Variants in STAB2 observed in about 807,000 individuals in gnomAD.
STAB2 encodes the protein stabilin 2.
STAB2 carries 288 observed loss-of-function variants against 338.1 expected under a neutral mutation model. That is an observed-to-expected ratio of 0.85 (90% CI 0.77 to 0.94). The LOEUF (loss-of-function observed/expected upper bound fraction) is 0.94. STAB2 is among the 40% of genes least tolerant of loss of function. STAB2 has a pLI of 0.00. For missense variants in STAB2, 3,141 were observed against 3,210.1 expected, an observed-to-expected ratio of 0.98 and a Z score of 0.52; for synonymous variants, 1,202 against 1,193.3, an observed-to-expected ratio of 1.01 and a Z score of -0.15.
chr12:103,750,817 C>T, intron 60 of STAB2, 97 bp downstream of exon 60: 1 of 1,442,266 alleles, frequency 6.9e-7, no homozygotes, highest in Non-Finnish European at 9.2e-7. Flanking sequence ...CAGGCCAAGC[C>T]TGGTGGCTCA....
intron 43 of STAB2, among the ~76,000 whole-genome samples, chr12:103,716,368 G>A (rs1041259567): frequency 5.9e-5 from 9 of 152,182 alleles, no homozygotes; most frequent in Admixed American, 2.6e-4. Context: ...GAGAGCAACC[G>A]CATCAGAGAA....
intron 46 of STAB2, among the ~76,000 whole-genome samples, chr12:103,726,955 G>GA (rs541047002): frequency 6.3e-4 from 96 of 152,008 alleles, no homozygotes; most frequent in African/African-American, 2.2e-3. Context: ...AGAGACATTG[G>GA]AAAAAAATAC....
intron 3 of STAB2, among the ~76,000 whole-genome samples, chr12:103,605,732 G>A (rs1014524012): frequency 5.9e-5 from 9 of 151,830 alleles, no homozygotes; most frequent in Admixed American, 5.2e-4. Context: ...TTTATACCTG[G>A]TAAAAATATG....
chr12:103,646,432 C>T (rs1374440245), intron 9 of STAB2, among the ~76,000 whole-genome samples: 1 of 152,170 alleles, frequency 6.6e-6, no homozygotes, highest in African/African-American at 2.4e-5. Context: ...CAGCCTTGTC[C>T]TTGTCGTTAT....
Position 103,702,007 on chromosome 12 carries a change from CA to C in STAB2, c.3715-1140del, listed in dbSNP as rs1232352713. 3.0e-3 allele frequency among the ~76,000 whole-genome samples: 437 copies of C among 146,388 alleles called. 2 individuals carry two copies. Among genetic ancestry groups the C allele is most frequent in the African/African-American group, 0.01 (417 of 40,858 alleles). Reference sequence around the variant, plus strand: ...ACACACACACACACACACACACACACACACACACACACACACCCCACCCCAA... The same window carrying C: ...ACACACACACACACACACACACACACCACACACACACACACCCCACCCCAA... On this transcript the variant is annotated intron_variant, in intron 34 of 68. Transcript: ENST00000388887.
At chr12:103,698,370 C>A (rs903385701) in intron 33 of STAB2, among the ~76,000 whole-genome samples, 4 of 151,912 alleles carry the variant, frequency 2.6e-5, no homozygotes, top group African/African-American at 9.7e-5. Flanking sequence ...TTTGAAGTAG[C>A]GGGGTAAGAA....
intron 33 of STAB2, among the ~76,000 whole-genome samples, chr12:103,698,287 TCTC>T (rs1314561800): frequency 1.2e-4 from 18 of 152,074 alleles, no homozygotes; most frequent in Non-Finnish European, 2.5e-4. Flanking sequence ...TTAGGAACCT[TCTC>T]CTCTCCTTCC....
At chr12:103,718,221 C>T (rs140834882) in intron 44 of STAB2, among the ~76,000 whole-genome samples, 5 of 152,250 alleles carry the variant, frequency 3.3e-5, no homozygotes, top group Non-Finnish European at 7.4e-5. Flanking sequence ...TAGACTTACA[C>T]GTAGGAATCC....
At chr12:103,660,786 C>G in intron 17 of STAB2, 23 bp downstream of exon 17, 1 of 1,609,888 alleles carries the variant, frequency 6.2e-7, no homozygotes, top group South Asian at 1.1e-5. Context: ...TCAACCACCA[C>G]CAGCATCACT....
At chr12:103,599,918 G>A (rs1175884735) in intron 3 of STAB2, among the ~76,000 whole-genome samples, 1 of 152,178 alleles carries the variant, frequency 6.6e-6, no homozygotes, top group Non-Finnish European at 1.5e-5. Context: ...ATTCTAAAGT[G>A]CTGACCTGTT....
chr12:103,703,304 T>C, intron 35 of STAB2, 28 bp downstream of exon 35: 1 of 1,603,808 alleles, frequency 6.2e-7, no homozygotes, highest in Non-Finnish European at 8.5e-7. Context: ...GAGCCAGTGA[T>C]GGAACTAATG....
At chr12:103,594,971 A>C (rs1204792325) in intron 3 of STAB2, among the ~76,000 whole-genome samples, 1 of 152,186 alleles carries the variant, frequency 6.6e-6, no homozygotes, top group Non-Finnish European at 1.5e-5. Flanking sequence ...TTTAAGACAC[A>C]TCAGGGTAAA....
chr12:103,731,222 A>T (rs1050869172), intron 49 of STAB2, among the ~76,000 whole-genome samples: 6 of 152,176 alleles, frequency 3.9e-5, no homozygotes, highest in Non-Finnish European at 7.4e-5. Flanking sequence ...ACACTGGGCT[A>T]TAGATGTCCC....
At chr12:103,609,569 A>T (rs1229576689) in intron 3 of STAB2, among the ~76,000 whole-genome samples, 3 of 152,186 alleles carry the variant, frequency 2.0e-5, no homozygotes, top group African/African-American at 7.2e-5. Context: ...GTTGCTTATC[A>T]GCTTAAGGAG....
At chr12:103,676,452 T>G (rs1387999086) in intron 24 of STAB2, among the ~76,000 whole-genome samples, 1 of 152,224 alleles carries the variant, frequency 6.6e-6, no homozygotes, top group Non-Finnish European at 1.5e-5. Flanking sequence ...TCTGATCACT[T>G]TTCATATGCA....
At chr12:103,625,283 A>G (rs1291274386) in intron 5 of STAB2, among the ~76,000 whole-genome samples, 1 of 152,232 alleles carries the variant, frequency 6.6e-6, no homozygotes. Flanking sequence ...AACATTTCCA[A>G]ATAAAGGAAG....
intron 9 of STAB2, among the ~76,000 whole-genome samples, chr12:103,643,950 G>C (rs1190557029): frequency 2.2e-5 from 2 of 88,970 alleles, no homozygotes; most frequent in African/African-American, 4.5e-5. Flanking sequence ...CCGTCCGGGA[G>C]GTGAGGGGCG....
chr12:103,613,491 G>A (rs1957160726), intron 3 of STAB2, among the ~76,000 whole-genome samples: 1 of 152,210 alleles, frequency 6.6e-6, no homozygotes, highest in Non-Finnish European at 1.5e-5. Flanking sequence ...CAAGCCACGT[G>A]CGGGATATAA....
Position 103,699,221 on chromosome 12 carries a change from T to G in STAB2, c.3708T>G (p.Asn1236Lys), listed in dbSNP as rs752506853. 2.5e-6 allele frequency: 4 copies of G among 1,612,016 alleles called. No individual in the cohort carries two copies. The South Asian group carries it at 3.3e-5, about 13-fold the overall frequency. The change falls in exon 34 of 69, where the codon AAT becomes AAG. Residue 1236 changes from asparagine to lysine, a missense_variant. By Grantham distance (94) the Asn-to-Lys change is moderately conservative. Transcript: ENST00000388887. Reference protein sequence around the residue: ...FSYFLSFFLHNDQLYVNEAPI... With the variant: ...FSYFLSFFLHKDQLYVNEAPI... Reference sequence around the variant, plus strand: ...ATTTCCTTAGCTTCTTTCTCCATAATGACCAGGTACGATCCTTTTATGTAA... The same window carrying G: ...ATTTCCTTAGCTTCTTTCTCCATAAGGACCAGGTACGATCCTTTTATGTAA...
Sources: gnomAD v4.1 joint callset for allele counts (sites outside exome capture counted in the v4.1 genomes callset) on GRCh38, gnomAD v4.1.1 for gene constraint, MANE v1.5 for transcripts, NCBI Gene and HGNC (gene_info 2026-07-23, HGNC 2026-07-21) for gene names.